The following TBC1D21 variants were observed in gnomAD, a reference collection of about 807,000 sequenced individuals.
TBC1D21 encodes the protein TBC1 domain family member 21, also known as male germ cell Rab GTPase-activating protein.
In TBC1D21, 38 loss-of-function variants were observed where a neutral mutation model predicts 46.0. The observed-to-expected ratio is 0.83, with a 90% CI of 0.64 to 1.08. The LOEUF (loss-of-function observed/expected upper bound fraction) is 1.08. Ranked by LOEUF, TBC1D21 falls within the 50% of genes least tolerant of loss-of-function variation. The pLI is 0.00. For synonymous variants in TBC1D21, 151 were observed against 157.2 expected, an observed-to-expected ratio of 0.96 and a Z score of 0.29; for missense variants, 415 against 417.9, an observed-to-expected ratio of 0.99 and a Z score of 0.06.
At chr15:73,874,852 C>G (rs572419272) in intron 1 of TBC1D21, among the ~76,000 whole-genome samples, 28 of 152,312 alleles carry the variant, frequency 1.8e-4, no homozygotes, top group African/African-American at 6.7e-4. Context: ...CGGTGCTGTA[C>G]TGATGATACA....
At chr15:73,897,964 C>A in the TBC1D21 span, among the ~76,000 whole-genome samples, 1 of 152,332 alleles carries the variant, frequency 6.6e-6, no homozygotes, top group Non-Finnish European at 1.5e-5. Context: ...ATCCTTCCTG[C>A]CCCCCAGCAC....
chr15:73,897,393 G>A, the TBC1D21 span, among the ~76,000 whole-genome samples: 1 of 152,346 alleles, frequency 6.6e-6, no homozygotes, highest in East Asian at 1.9e-4. Flanking sequence ...AATGGTAGCT[G>A]TTGGAAAGCC....
the TBC1D21 span, among the ~76,000 whole-genome samples, chr15:73,894,297 A>T: frequency 6.6e-6 from 1 of 152,156 alleles, no homozygotes; most frequent in Non-Finnish European, 1.5e-5. Context: ...GCAGGCCCTC[A>T]TCTCACAGGC....
chr15:73,895,679 G>T, the TBC1D21 span, among the ~76,000 whole-genome samples: 2 of 152,118 alleles, frequency 1.3e-5, no homozygotes, highest in South Asian at 4.1e-4. Flanking sequence ...CCAGATTAAT[G>T]GCCTCAATCT....
the TBC1D21 span, among the ~76,000 whole-genome samples, chr15:73,898,916 T>C: frequency 4.4e-5 from 6 of 136,762 alleles, no homozygotes; most frequent in Non-Finnish European, 9.4e-5. Flanking sequence ...CACACACTCA[T>C]ATATATACAC....
At chr15:73,884,275 C>T (rs2068204505) in intron 4 of TBC1D21, 30 bp downstream of exon 4, 3 of 1,600,408 alleles carry the variant, frequency 1.9e-6, no homozygotes, top group Non-Finnish European at 8.6e-7. Flanking sequence ...GAGGGCTGGG[C>T]AGAGGGAGGG....
intron 1 of TBC1D21, among the ~76,000 whole-genome samples, chr15:73,879,989 C>G (rs1017138321): frequency 4.0e-5 from 6 of 149,352 alleles, no homozygotes; most frequent in African/African-American, 7.4e-5. Flanking sequence ...CTCTGCCTAC[C>G]GGGTTCACGT....
chr15:73,888,601 T>A, intron 10 of TBC1D21, 88 bp downstream of exon 10: 3 of 859,664 alleles, frequency 3.5e-6, no homozygotes, highest in Middle Eastern at 6.1e-4. Flanking sequence ...CTCCTCCTCC[T>A]CCTCTTCTTC....
chr15:73,887,610 T>C lies in TBC1D21; in HGVS notation c.778-10T>C. The C allele has an allele frequency of 1.2e-6, 2 of 1,613,298 alleles. No homozygotes were observed. The highest frequency in any genetic ancestry group is 1.7e-6 in the Non-Finnish European group (2 of 1,179,408). On this transcript the variant is annotated splice_polypyrimidine_tract_variant and intron_variant, in intron 8 of 10. Transcript: ENST00000300504. The stretch of plus-strand genomic sequence containing the variant: ...CCACAGGGCCCAGACTGAGACGTCC[T>C]GACCCACAGGTTCTGCTGACGGGGA...
chr15:73,899,280 C>T, the TBC1D21 span, among the ~76,000 whole-genome samples: 9 of 152,140 alleles, frequency 5.9e-5, no homozygotes, highest in Non-Finnish European at 1.5e-5. Flanking sequence ...TGGCTCACAG[C>T]TGGATGCACC....
At chr15:73,876,535 GC>G (rs1567062702) in intron 1 of TBC1D21, among the ~76,000 whole-genome samples, 1 of 151,508 alleles carries the variant, frequency 6.6e-6, no homozygotes, top group African/African-American at 2.4e-5. Flanking sequence ...GAGCCACCGC[GC>G]CCGGCCGAAG....
In TBC1D21 at chr15:73,879,965, C is replaced by T. The variant is rs575359612; in HGVS notation, c.61-1434C>T. On this transcript the variant is annotated intron_variant, in intron 1 of 10. Transcript: ENST00000300504. ...AGGCTGGAGTGCAGTGGTGAGATCT[C>T]GGCTGACTGCAACCTCTGCCTACCG... Among the ~76,000 whole-genome samples, 86 of 150,316 alleles carry T rather than the reference C, an allele frequency of 5.7e-4. 3 individuals are homozygous for T. The South Asian group carries it at 0.018, about 31-fold the overall frequency.
chr15:73,887,611 G>A lies in TBC1D21; in HGVS notation c.778-9G>A. ...CACAGGGCCCAGACTGAGACGTCCT[G>A]ACCCACAGGTTCTGCTGACGGGGAA... On this transcript the variant is annotated splice_polypyrimidine_tract_variant and intron_variant, in intron 8 of 10. Coordinates refer to ENST00000300504, the MANE Select transcript of TBC1D21 (RefSeq NM_153356.3). 6.2e-7 allele frequency: 1 copy of A among 1,613,456 alleles called. No individual in the cohort carries two copies. Among genetic ancestry groups the A allele is most frequent in the Admixed American group, 1.7e-5 (1 of 60,014 alleles).
chr15:73,909,982 T>A, the TBC1D21 span: 1 of 152,204 alleles, frequency 6.6e-6, no homozygotes, highest in Non-Finnish European at 1.5e-5. Flanking sequence ...TTTCTTAGAT[T>A]CTGTGAGATG....
chr15:73,896,092 G>A, the TBC1D21 span, among the ~76,000 whole-genome samples: 3,308 of 143,572 alleles, frequency 0.023, 57 homozygotes, highest in Middle Eastern at 0.069. Flanking sequence ...ATGAACAACA[G>A]AGATAATGGC....
At chr15:73,898,880 A>AAAAAAAT in the TBC1D21 span, among the ~76,000 whole-genome samples, 94 of 56,750 alleles carry the variant, frequency 1.7e-3, 2 homozygotes, top group Non-Finnish European at 2.7e-3. Context: ...AAAAAAAAAA[A>AAAAAAAT]ATATATATAT....
chr15:73,904,540 C>T, the TBC1D21 span, among the ~76,000 whole-genome samples: 1 of 152,210 alleles, frequency 6.6e-6, no homozygotes, highest in African/African-American at 2.4e-5. Context: ...GGCCTCCCCT[C>T]CCGCCATGTG....
chr15:73,888,306 C>G (rs1375934350), intron 9 of TBC1D21, 124 bp from the exon 10 acceptor site: 1 of 755,528 alleles, frequency 1.3e-6, no homozygotes, highest in Admixed American at 2.2e-5. Flanking sequence ...GTCAGGTGGT[C>G]CCCAGCGACT....
chr15:73,886,259 G>C, intron 7 of TBC1D21, 85 bp downstream of exon 7: 1 of 1,196,304 alleles, frequency 8.4e-7, no homozygotes, highest in South Asian at 1.3e-5. Flanking sequence ...CCCTAATCAT[G>C]GGGGGGCTGG....
Sources: gnomAD v4.1 joint callset for allele counts (sites outside exome capture counted in the v4.1 genomes callset) on GRCh38, gnomAD v4.1.1 for gene constraint, MANE v1.5 for transcripts, NCBI Gene and HGNC (gene_info 2026-07-23, HGNC 2026-07-21) for gene names.